Variants in MAP2K3 observed in about 807,000 individuals in gnomAD.
MAP2K3 encodes dual specificity mitogen-activated protein kinase kinase 3.
MAP2K3 carries 30 observed loss-of-function variants against 46.4 expected under a neutral mutation model. The observed-to-expected ratio is 0.65, with a 90% CI of 0.48 to 0.88. The LOEUF (loss-of-function observed/expected upper bound fraction) is 0.88, where lower values mean the gene tolerates loss of function less well. Among genes scored for constraint, MAP2K3 ranks in the 40% least tolerant of loss-of-function variants. The pLI is 0.00. For synonymous variants in MAP2K3, 189 were observed against 176.3 expected (o/e 1.07, Z -0.57); for missense variants, 380 against 464.5 (o/e 0.82, Z 1.67).
In MAP2K3 at chr17:21,314,424, C is replaced by T. The variant is rs1666192201; in HGVS notation, c.*194C>T. ...CAAAGAAGCAGACCATTGGGGCTCC[C>T]AGCCAGGCCCTTGTCGGCCCCACCA... On this transcript the variant is annotated 3_prime_UTR_variant, in exon 12 of 12. Transcript: ENST00000342679. 5.1e-6 allele frequency: 3 copies of T among 593,140 alleles called. No homozygotes were observed. In the South Asian group the frequency reaches 5.8e-5, roughly 11 times the overall value. 36.7% of individuals were successfully genotyped at this position (593,140 alleles called of 1,614,324 possible). A position where few individuals can be genotyped will look rare whatever the true frequency, so the allele number is the denominator to read the frequency against.
intron 1 of MAP2K3, chr17:21,296,309 C>G: frequency 1.4e-6 from 1 of 700,550 alleles, no homozygotes; most frequent in Non-Finnish European, 2.2e-6. Flanking sequence ...TTTACCACGG[C>G]TGCGCCACTC....
Position 21,298,490 on chromosome 17 carries a change from C to G in MAP2K3, c.116+11C>G, listed in dbSNP as rs778825381. The G allele has an allele frequency of 6.2e-7, 1 of 1,614,196 alleles. No individual in the cohort carries two copies. Among genetic ancestry groups the G allele is most frequent in the African/African-American group, 1.3e-5 (1 of 74,966 alleles). ...CGCACCCAACCCCACGTGAGTCTGCCTCAGTTTCTCCCTGGCTCACCCTGG... is the reference window on the plus strand; with the variant it reads ...CGCACCCAACCCCACGTGAGTCTGCGTCAGTTTCTCCCTGGCTCACCCTGG... On this transcript the variant is annotated intron_variant, in intron 2 of 11. Transcript: ENST00000342679.
At chr17:21,295,944 G>A (rs1463441748) in intron 1 of MAP2K3, 1 of 1,247,464 alleles carries the variant, frequency 8.0e-7, no homozygotes, top group Non-Finnish European at 1.0e-6. Context: ...TGGGGGCAAG[G>A]TCAAGGCCCA....
intron 1 of MAP2K3, chr17:21,295,506 GGGCAGC>G: frequency 1.1e-6 from 1 of 934,928 alleles, no homozygotes. Context: ...GGCTGCACCT[GGGCAGC>G]CCTGGGCTGC....
chr17:21,301,049 G>A (rs1178178390), intron 5 of MAP2K3, 56 bp downstream of exon 5: 4 of 1,612,580 alleles, frequency 2.5e-6, no homozygotes, highest in South Asian at 1.1e-5. Context: ...TCAGTCGCCT[G>A]CAACCCACTG....
At chr17:21,288,125 G>T in intron 1 of MAP2K3, 2 of 1,283,030 alleles carry the variant, frequency 1.6e-6, no homozygotes, top group South Asian at 2.5e-5. Context: ...TGACTCACCC[G>T]CTGGGCATGC....
chr17:21,298,618 C>T (rs2144547630), intron 2 of MAP2K3, 139 bp downstream of exon 2: 1 of 1,397,012 alleles, frequency 7.2e-7, no homozygotes, highest in Non-Finnish European at 1.0e-6. Context: ...TGCATACAGC[C>T]AGGTGACGGC....
chr17:21,292,181 C>T (rs949622145), intron 1 of MAP2K3, among the ~76,000 whole-genome samples: 1 of 152,304 alleles, frequency 6.6e-6, no homozygotes, highest in Admixed American at 6.5e-5. Flanking sequence ...CTGTACTGTG[C>T]TCAGTGAGCC....
At chr17:21,312,050 C>T in intron 9 of MAP2K3, 92 bp from the exon 10 acceptor site, 3 of 1,267,076 alleles carry the variant, frequency 2.4e-6, no homozygotes, top group Non-Finnish European at 3.2e-6. Context: ...GCTCTGGTAC[C>T]AGGATGGGTG....
At chr17:21,302,066 G>T in intron 5 of MAP2K3, 77 bp from the exon 6 acceptor site, 1 of 1,429,188 alleles carries the variant, frequency 7.0e-7, no homozygotes, top group Non-Finnish European at 9.9e-7. Context: ...GCTGGGGCTG[G>T]TGCTGGGGCA....
chr17:21,315,143 G>GA lies in MAP2K3; in HGVS notation c.*919dup, dbSNP rs1323662116. On this transcript the variant is annotated 3_prime_UTR_variant, in exon 12 of 12. Transcript: ENST00000342679. ...TTAAAAAAAGAAAATATATTTTTTT[G>GA]AAAAAACGACTGCCCATCCCGGGTC... is the stretch of plus-strand genomic sequence containing the variant. 6.8e-6 allele frequency: 1 copy of GA among 147,550 alleles called. No individual in the cohort carries two copies. Among genetic ancestry groups the GA allele is most frequent in the Non-Finnish European group, 1.5e-5 (1 of 67,176 alleles). 9.1% of individuals were successfully genotyped at this position (147,550 alleles called of 1,614,324 possible).
rs747410898 is a variant in MAP2K3, at chr17:21,300,594, G to A, written c.215G>A (p.Arg72His). The A allele has an allele frequency of 3.7e-6, 6 of 1,613,114 alleles. No individual in the cohort carries two copies. The highest frequency in any genetic ancestry group is 2.2e-5 in the East Asian group (1 of 44,866). Reference sequence around the variant, plus strand: ...TTGGTGACCATCTCAGAACTGGGCCGTGGAGCCTATGGGGTGGTAGAGAAG... The same window carrying A: ...TTGGTGACCATCTCAGAACTGGGCCATGGAGCCTATGGGGTGGTAGAGAAG... The part of the protein sequence containing the change: ...DDLVTISELG[R>H]GAYGVVEKVR... The change falls in exon 4 of 12, where the codon CGT becomes CAT. Residue 72 changes from arginine to histidine, a missense_variant. Around this residue, in one of 5 missense-constraint regions of MAP2K3, gnomAD observed 294 missense variants for 275.4 expected, o/e 1.07. Transcript: ENST00000342679.
At chr17:21,313,924 A>G (rs974887220) in intron 11 of MAP2K3, 3 of 593,878 alleles carry the variant, frequency 5.1e-6, no homozygotes, top group Non-Finnish European at 9.0e-6. Context: ...GTGGGGGGAA[A>G]GGGAGGTTAG....
chr17:21,284,756 T>A lies in MAP2K3; in HGVS notation c.-165T>A. On this transcript the variant is annotated 5_prime_UTR_variant, in exon 1 of 12. Coordinates refer to ENST00000342679, the MANE Select transcript of MAP2K3 (RefSeq NM_145109.3). Reference sequence around the variant, plus strand: ...CGTCGCGGACTCGTCCTTGCTGCAGTCGCCGCCGCAGTCCTCGCCGCAGTC... The same window carrying A: ...CGTCGCGGACTCGTCCTTGCTGCAGACGCCGCCGCAGTCCTCGCCGCAGTC... 1 of 660,586 alleles carries A rather than the reference T, an allele frequency of 1.5e-6. No individual in the cohort carries two copies. Among genetic ancestry groups the A allele is most frequent in the South Asian group, 2.7e-5 (1 of 36,998 alleles). The allele number at this position is 660,586 out of a possible 1,614,324, so 40.9% of individuals were successfully genotyped here. A position where few individuals can be genotyped will look rare whatever the true frequency, so the allele number is the denominator to read the frequency against.
chr17:21,300,946 G>A lies in MAP2K3; in HGVS notation c.352G>A (p.Val118Ile). 1 of 1,614,254 alleles carries A rather than the reference G, an allele frequency of 6.2e-7. No homozygotes were observed. The highest frequency in any genetic ancestry group is 1.6e-4 in the Middle Eastern group (1 of 6,062). Residue 118 changes from valine to isoleucine, a missense_variant, in exon 5 of 12, where the codon GTC becomes ATC. Val to Ile is a conservative substitution (Grantham distance 29). Transcript: ENST00000342679. ...LMDLDINMRTVDCFYTVTFYG... is the reference protein window; with the variant it reads ...LMDLDINMRTIDCFYTVTFYG... The stretch of plus-strand genomic sequence containing the variant: ...GGACCTGGACATCAACATGCGCACG[G>A]TCGACTGTTTCTACACTGTCACCTT...
intron 9 of MAP2K3, among the ~76,000 whole-genome samples, chr17:21,310,885 C>T (rs1001951271): frequency 1.1e-4 from 16 of 152,314 alleles, no homozygotes; most frequent in South Asian, 4.1e-4. Context: ...TAAAGGAGTA[C>T]GAGGTTGAAG....
At chr17:21,288,991 A>G (rs1597798182) in intron 1 of MAP2K3, among the ~76,000 whole-genome samples, 1 of 152,266 alleles carries the variant, frequency 6.6e-6, no homozygotes, top group Non-Finnish European at 1.5e-5. Flanking sequence ...GATTGAAGAT[A>G]GCATTTGTTA....
chr17:21,295,524 T>C, intron 1 of MAP2K3: 6 of 978,554 alleles, frequency 6.1e-6, no homozygotes, highest in Non-Finnish European at 7.3e-6. Flanking sequence ...CTGGGCTGCC[T>C]GGCCATCTGG....
chr17:21,296,064 G>T (rs1976227346), intron 1 of MAP2K3: 3 of 1,258,290 alleles, frequency 2.4e-6, no homozygotes, highest in Non-Finnish European at 3.1e-6. Flanking sequence ...ACTTAGGGCA[G>T]TTTTTTTTTT....
Sources: gnomAD v4.1 joint callset for allele counts (sites outside exome capture counted in the v4.1 genomes callset) on GRCh38, gnomAD v4.1.1 for gene constraint, gnomAD v4.1.1 regional missense constraint, MANE v1.5 for transcripts, NCBI Gene and HGNC (gene_info 2026-07-23, HGNC 2026-07-21) for gene names.